The following ZCCHC14 variants were observed in gnomAD, a reference collection of about 807,000 sequenced individuals.
ZCCHC14 encodes the protein zinc finger CCHC domain-containing protein 14.
In ZCCHC14, 16 loss-of-function variants were observed where a neutral mutation model predicts 85.0. The observed-to-expected ratio is 0.19, with a 90% CI of 0.13 to 0.29. The LOEUF is 0.29. Ranked by LOEUF, ZCCHC14 falls within the 10% of genes least tolerant of loss-of-function variation. The probability of loss-of-function intolerance (pLI) is 1.00; values close to 1 mark genes in which losing one functional copy is unlikely to be tolerated. For synonymous variants in ZCCHC14, 775 were observed against 630.7 expected, an observed-to-expected ratio of 1.23 and a Z score of -3.43; for missense variants, 1,303 against 1,443.5, an observed-to-expected ratio of 0.90 and a Z score of 1.58.
chr16:87,419,944 A>T, intron 5 of ZCCHC14, 67 bp from the exon 6 acceptor site: 1 of 1,401,868 alleles, frequency 7.1e-7, no homozygotes, highest in Non-Finnish European at 9.8e-7. Flanking sequence ...TGAAAGAAAA[A>T]AATTTAACTT....
chr16:87,470,143 G>A (rs1911713305), intron 1 of ZCCHC14, among the ~76,000 whole-genome samples: 1 of 151,858 alleles, frequency 6.6e-6, no homozygotes, highest in Non-Finnish European at 1.5e-5. Context: ...GACCAGCCTG[G>A]GCAACATAGT....
At chr16:87,487,642 CTAAG>C (rs1912570261) in intron 1 of ZCCHC14, among the ~76,000 whole-genome samples, 1 of 152,262 alleles carries the variant, frequency 6.6e-6, no homozygotes, top group African/African-American at 2.4e-5. Flanking sequence ...AGAGGATGCG[CTAAG>C]TGTTAGGCAC....
At chr16:87,414,314 C>T (rs1224886549) in intron 10 of ZCCHC14, 100 bp downstream of exon 10, 46 of 1,590,322 alleles carry the variant, frequency 2.9e-5, no homozygotes, top group East Asian at 4.5e-5. Context: ...CCCATCTGCC[C>T]GACACACGGG....
At chr16:87,480,179 G>A (rs1225856547) in intron 1 of ZCCHC14, among the ~76,000 whole-genome samples, 1 of 152,006 alleles carries the variant, frequency 6.6e-6, no homozygotes, top group African/African-American at 2.4e-5. Context: ...TGAGGCAGGC[G>A]GATCACAAGG....
In ZCCHC14 at chr16:87,485,589, C is replaced by CAAAA. The variant is rs1869778944; in HGVS notation, c.570+6079_570+6080insTTTT. The stretch of plus-strand genomic sequence containing the variant: ...AACTACTGTTCCAACGGGCAGTTTT[C>CAAAA]CAAAAAAAAAAAAAAAAAGAAGAAG... On this transcript the variant is annotated intron_variant, in intron 1 of 12. Transcript: ENST00000671377. Among the ~76,000 whole-genome samples, 6 of 75,932 alleles carry CAAAA rather than the reference C, an allele frequency of 7.9e-5. No homozygotes were observed. The African/African-American group carries it at 8.1e-4, about 10-fold the overall frequency. The allele number at this position is 75,932 out of a possible 152,430, so 49.8% of individuals were successfully genotyped here. A position where few individuals can be genotyped will look rare whatever the true frequency, so the allele number is the denominator to read the frequency against.
chr16:87,435,151 TCTC>T (rs1318456070), intron 2 of ZCCHC14, among the ~76,000 whole-genome samples: 1 of 152,082 alleles, frequency 6.6e-6, no homozygotes, highest in East Asian at 1.9e-4. Flanking sequence ...GGCAACTTCT[TCTC>T]CTAACATACA....
At chr16:87,461,589 G>A (rs1472709974) in intron 1 of ZCCHC14, among the ~76,000 whole-genome samples, 1 of 152,202 alleles carries the variant, frequency 6.6e-6, no homozygotes, top group African/African-American at 2.4e-5. Context: ...GGTGGCAGTT[G>A]ACCAAAACAT....
intron 2 of ZCCHC14, among the ~76,000 whole-genome samples, chr16:87,448,478 T>C (rs1213814457): frequency 1.3e-5 from 2 of 152,208 alleles, no homozygotes; most frequent in African/African-American, 2.4e-5. Flanking sequence ...GCCGTTTTCT[T>C]CCCGTGCGTA....
At chr16:87,425,443 GCA>G (rs1909320019) in intron 3 of ZCCHC14, among the ~76,000 whole-genome samples, 2 of 152,122 alleles carry the variant, frequency 1.3e-5, no homozygotes, top group South Asian at 4.1e-4. Flanking sequence ...GGGCATGGTG[GCA>G]GGCGCCTGTA....
In ZCCHC14 at chr16:87,412,483, T is replaced by A. The variant is rs376706010; in HGVS notation, c.2238A>T (p.Ala746=). 16 of 1,613,896 alleles carry A rather than the reference T, an allele frequency of 9.9e-6. No homozygotes were observed. In the African/African-American group the frequency reaches 1.1e-4, roughly 11 times the overall value. Residue 746 remains alanine (A), a synonymous_variant, in exon 12 of 13, where the codon GCA becomes GCT. Transcript: ENST00000671377. ...TCTCCACGACCAGGGCCGGTTGCTG[T>A]GCTGTCTTCAGCACCCTGTCCAGCG... The part of the protein sequence containing the change: ...ASTLDRVLKT[A]QQPALVVETS...
chr16:87,446,682 C>T (rs1326325740), intron 2 of ZCCHC14, among the ~76,000 whole-genome samples: 1 of 152,004 alleles, frequency 6.6e-6, no homozygotes, highest in African/African-American at 2.4e-5. Context: ...TAGCTGAGGT[C>T]AGCAAACTGA....
At chr16:87,479,036 A>C (rs1160132592) in intron 1 of ZCCHC14, among the ~76,000 whole-genome samples, 3 of 152,290 alleles carry the variant, frequency 2.0e-5, no homozygotes, top group East Asian at 1.9e-4. Flanking sequence ...TTCCTATTTC[A>C]AACAGTTTAA....
rs201072728 is a variant in ZCCHC14, at chr16:87,425,779, C to T, written c.769-1898G>A. Among the ~76,000 whole-genome samples the T allele has an allele frequency of 3.9e-4, 59 of 152,290 alleles. No homozygotes were observed. The East Asian group carries it at 7.0e-3, about 18-fold the overall frequency. On this transcript the variant is annotated intron_variant, in intron 3 of 12. Coordinates refer to ENST00000671377, the MANE Select transcript of ZCCHC14 (RefSeq NM_015144.3). ...TGGCTGTCCCCCGCGCTGCTGACAG[C>T]GTGTCTCTTTCAAGGTAAAGCGTGT...
At position 87,409,269 on chromosome 16, in the gene ZCCHC14, G is replaced by C. The variant is rs1447844934; in HGVS notation, c.*1011C>G. The C allele has an allele frequency of 6.6e-6, 1 of 152,232 alleles. No individual in the cohort carries two copies. The highest frequency in any genetic ancestry group is 2.4e-5 in the African/African-American group (1 of 41,456). 9.4% of individuals were successfully genotyped at this position (152,232 alleles called of 1,614,324 possible). ...TATCATTGTTGAAATGTCTGTCTCA[G>C]GTGTGAATCCGCTAGCGATAAGCCT... On this transcript the variant is annotated 3_prime_UTR_variant, in exon 13 of 13. Transcript: ENST00000671377.
chr16:87,452,584 G>A (rs1910758500), intron 2 of ZCCHC14, among the ~76,000 whole-genome samples: 1 of 152,144 alleles, frequency 6.6e-6, no homozygotes, highest in Non-Finnish European at 1.5e-5. Context: ...AGAGGCAAGG[G>A]GAAAGCCAGG....
At chr16:87,488,662 C>CT (rs1363222757) in intron 1 of ZCCHC14, among the ~76,000 whole-genome samples, 3 of 152,234 alleles carry the variant, frequency 2.0e-5, no homozygotes, top group Non-Finnish European at 4.4e-5. Context: ...CCTACAGCCT[C>CT]TACCTCCTGG....
At position 87,491,755 on chromosome 16, in the gene ZCCHC14, T is replaced by C. The variant is rs1357800588; in HGVS notation, c.484A>G (p.Ser162Gly). 6.3e-7 allele frequency: 1 copy of C among 1,585,220 alleles called. No individual in the cohort carries two copies. Among genetic ancestry groups the C allele is most frequent in the Admixed American group, 1.8e-5 (1 of 56,368 alleles). Residue 162 changes from serine to glycine, a missense_variant, in exon 1 of 13, where the codon AGC becomes GGC. This residue lies in a region of ZCCHC14 where 389 missense variants were observed against 397.8 expected (regional missense o/e 0.98). Coordinates refer to ENST00000671377, the MANE Select transcript of ZCCHC14 (RefSeq NM_015144.3). The surrounding 1 kb of genome is among the most constrained non-coding windows in gnomAD (Gnocchi z 5.9). ...VLRQELTQIQ[S>G]SLNGGGGHGG... ...TGGCCCCCGCCGCCGTTCAGGCTGCTCTGGATCTGCGTGAGCTCCTGGCGC... is the reference window on the plus strand; with the variant it reads ...TGGCCCCCGCCGCCGTTCAGGCTGCCCTGGATCTGCGTGAGCTCCTGGCGC...
rs1041820799 is a variant in ZCCHC14, at chr16:87,424,481, C to T, written c.769-600G>A. ...GGGCTTTCTGGAGGAGATTCTGCAA[C>T]GTCTGGTGTGCCCAGCCCTTGTGAG... On this transcript the variant is annotated intron_variant, in intron 3 of 12. Coordinates refer to ENST00000671377, the MANE Select transcript of ZCCHC14 (RefSeq NM_015144.3). 5.3e-5 allele frequency among the ~76,000 whole-genome samples: 8 copies of T among 152,156 alleles called. No homozygotes were observed. In the East Asian group the frequency reaches 9.7e-4, roughly 18 times the overall value.
chr16:87,433,242 T>G (rs953173240), intron 2 of ZCCHC14, 41 bp from the exon 3 acceptor site: 1 of 1,566,644 alleles, frequency 6.4e-7, no homozygotes, highest in African/African-American at 1.4e-5. Flanking sequence ...AATAAGAGCT[T>G]GAAGTATATA....
Sources: gnomAD v4.1 joint callset for allele counts (sites outside exome capture counted in the v4.1 genomes callset) on GRCh38, gnomAD v4.1.1 for gene constraint, gnomAD v4.1.1 regional missense constraint, Gnocchi (gnomAD v3.1) non-coding constraint, MANE v1.5 for transcripts, NCBI Gene and HGNC (gene_info 2026-07-23, HGNC 2026-07-21) for gene names.